The following STX18 variants were observed in gnomAD, a reference collection of about 807,000 sequenced individuals.
STX18 encodes the protein syntaxin 18, also known as syntaxin-18.
Under a neutral mutation model 50.1 loss-of-function variants are expected in STX18, and 40 were observed. The ratio of observed to expected loss-of-function variants is 0.80; its 90% CI spans 0.62 to 1.04. The LOEUF (loss-of-function observed/expected upper bound fraction) is 1.04. Among genes scored for constraint, STX18 ranks in the 50% least tolerant of loss-of-function variants. The pLI, the probability that STX18 is intolerant of heterozygous loss-of-function variation, is 0.00. For missense variants in STX18, 410 were observed against 415.8 expected (o/e 0.99, Z 0.12); for synonymous variants, 158 against 151.8 (o/e 1.04, Z -0.30).
chr4:4,503,293 T>C (rs1729542623), intron 1 of STX18, among the ~76,000 whole-genome samples: 1 of 152,150 alleles, frequency 6.6e-6, no homozygotes, highest in African/African-American at 2.4e-5. Context: ...TCAGATTCTT[T>C]AAAAAAGTAA....
chr4:4,449,294 TCC>T (rs1448600378), intron 5 of STX18, among the ~76,000 whole-genome samples: 5 of 138,776 alleles, frequency 3.6e-5, no homozygotes, highest in African/African-American at 1.5e-4. Flanking sequence ...CAATCCTCCC[TCC>T]CACCTCGGCC....
chr4:4,484,622 T>C (rs1728620834), intron 1 of STX18, among the ~76,000 whole-genome samples: 1 of 152,206 alleles, frequency 6.6e-6, no homozygotes, highest in Non-Finnish European at 1.5e-5. Context: ...CCAGCTCAAC[T>C]AGTCACGAAC....
intron 1 of STX18, among the ~76,000 whole-genome samples, chr4:4,498,446 T>G (rs1157826422): frequency 6.6e-6 from 1 of 152,188 alleles, no homozygotes; most frequent in Admixed American, 6.5e-5. Flanking sequence ...TGGTGGTTTT[T>G]GTTTGTTTTG....
At chr4:4,478,501 G>T (rs567927601) in intron 1 of STX18, among the ~76,000 whole-genome samples, 1 of 152,268 alleles carries the variant, frequency 6.6e-6, no homozygotes, top group South Asian at 2.1e-4. Context: ...TCATTCTCCC[G>T]TTTGAGTTCA....
At chr4:4,486,510 T>A (rs1444864378) in intron 1 of STX18, among the ~76,000 whole-genome samples, 1 of 152,254 alleles carries the variant, frequency 6.6e-6, no homozygotes, top group Non-Finnish European at 1.5e-5. Flanking sequence ...ACTTACTATA[T>A]GCCAAGAAGA....
Position 4,420,246 on chromosome 4 carries a change from G to A in STX18, c.913-117C>T, listed in dbSNP as rs555837844. On this transcript the variant is annotated intron_variant, in intron 10 of 10. Coordinates refer to ENST00000306200, the MANE Select transcript of STX18 (RefSeq NM_016930.4). This position sits in a 1 kb window ranked among gnomAD's most constrained non-coding sequence, Gnocchi z 4.3. ...GATCCTGGCTGTAACTATGGGTGTCGTTCCATCTGTGCTTACCTTGAATAG... is the reference window on the plus strand; with the variant it reads ...GATCCTGGCTGTAACTATGGGTGTCATTCCATCTGTGCTTACCTTGAATAG... 14 of 751,936 alleles carry A rather than the reference G, an allele frequency of 1.9e-5. No homozygotes were observed. Among genetic ancestry groups the A allele is most frequent in the Middle Eastern group, 2.3e-4 (1 of 4,296 alleles). The allele number at this position is 751,936 out of a possible 1,614,324, so 46.6% of individuals were successfully genotyped here.
intron 9 of STX18, 113 bp from the exon 10 acceptor site, chr4:4,421,057 A>C: frequency 9.4e-7 from 1 of 1,065,248 alleles, no homozygotes; most frequent in South Asian, 1.3e-5. Flanking sequence ...AGAAAGTTTC[A>C]GATTTTGGAG....
At chr4:4,457,670 G>A (rs1453065864) in intron 3 of STX18, among the ~76,000 whole-genome samples, 170 bp from the exon 4 acceptor site, 1 of 152,188 alleles carries the variant, frequency 6.6e-6, no homozygotes, top group Admixed American at 6.5e-5. Flanking sequence ...GATGTATCAG[G>A]CTTCGCAAGA....
intron 2 of STX18, among the ~76,000 whole-genome samples, chr4:4,462,899 GTAC>G (rs1727454512): frequency 6.6e-6 from 1 of 152,152 alleles, no homozygotes; most frequent in Non-Finnish European, 1.5e-5. Flanking sequence ...CTTCTTTACT[GTAC>G]TAAGATGAGA....
chr4:4,495,011 C>T (rs943751600), intron 1 of STX18, among the ~76,000 whole-genome samples: 2 of 152,170 alleles, frequency 1.3e-5, no homozygotes, highest in Non-Finnish European at 2.9e-5. Context: ...AATGTACAAT[C>T]AGGGTTGAGA....
intron 5 of STX18, among the ~76,000 whole-genome samples, chr4:4,445,263 G>A (rs1044231065): frequency 4.6e-5 from 7 of 151,926 alleles, no homozygotes; most frequent in Admixed American, 2.0e-4. Context: ...AAAATCAGCC[G>A]GGCATGGTGG....
chr4:4,484,872 T>C (rs562303891), intron 1 of STX18, among the ~76,000 whole-genome samples: 1 of 152,328 alleles, frequency 6.6e-6, no homozygotes, highest in East Asian at 1.9e-4. Flanking sequence ...TTGACAAATA[T>C]GTAAGACCCA....
In STX18 at chr4:4,420,753, G is replaced by C; in HGVS notation, c.912+111C>G. 4.1e-6 allele frequency: 4 copies of C among 984,002 alleles called. No individual in the cohort carries two copies. The highest frequency in any genetic ancestry group is 6.4e-6 in the Non-Finnish European group (4 of 626,802). 61.0% of individuals were successfully genotyped at this position (984,002 alleles called of 1,614,324 possible). A position where few individuals can be genotyped will look rare whatever the true frequency, so the allele number is the denominator to read the frequency against. On this transcript the variant is annotated intron_variant, in intron 10 of 10. Coordinates refer to ENST00000306200, the MANE Select transcript of STX18 (RefSeq NM_016930.4). This position sits in a 1 kb window ranked among gnomAD's most constrained non-coding sequence, Gnocchi z 4.3. Reference sequence around the variant, plus strand: ...GTCACACAATTTTGTGATCAGCCCCGTGAGCTCTGCCCAGCAAGGCTCCTG... The same window carrying C: ...GTCACACAATTTTGTGATCAGCCCCCTGAGCTCTGCCCAGCAAGGCTCCTG...
intron 2 of STX18, among the ~76,000 whole-genome samples, chr4:4,460,113 C>T (rs1214733490): frequency 6.6e-6 from 1 of 152,120 alleles, no homozygotes; most frequent in Admixed American, 6.5e-5. Flanking sequence ...ATACTTACCC[C>T]ACTCTAACAT....
chr4:4,537,093 G>C (rs1009671035), intron 1 of STX18, among the ~76,000 whole-genome samples: 1 of 152,154 alleles, frequency 6.6e-6, no homozygotes, highest in African/African-American at 2.4e-5. Context: ...GGTGCTTACG[G>C]GTTTCTTGCT....
Position 4,445,841 on chromosome 4 carries a change from G to C in STX18, c.498-7332C>G, listed in dbSNP as rs138721105. On this transcript the variant is annotated intron_variant, in intron 5 of 10. Transcript: ENST00000306200. Reference sequence around the variant, plus strand: ...AAACCGAAAAGCTGATTCTAAAATTGATATGGAAATATACAAAAAATCTAA... The same window carrying C: ...AAACCGAAAAGCTGATTCTAAAATTCATATGGAAATATACAAAAAATCTAA... 2.1e-3 allele frequency among the ~76,000 whole-genome samples: 326 copies of C among 152,224 alleles called. 6 individuals carry two copies. The highest frequency in any genetic ancestry group is 0.012 in the East Asian group (60 of 5,188).
chr4:4,433,614 C>A (rs1445871914), intron 7 of STX18, among the ~76,000 whole-genome samples: 1 of 151,220 alleles, frequency 6.6e-6, no homozygotes, highest in African/African-American at 2.4e-5. Flanking sequence ...TCTGCTCTCA[C>A]AGAGCTTGTG....
intron 2 of STX18, among the ~76,000 whole-genome samples, chr4:4,465,582 G>A (rs1727582187): frequency 6.6e-6 from 1 of 152,110 alleles, no homozygotes; most frequent in South Asian, 2.1e-4. Flanking sequence ...GAGGCGGTGG[G>A]GAACAATACA....
chr4:4,467,701 T>G (rs1483928071), intron 2 of STX18, among the ~76,000 whole-genome samples: 1 of 109,126 alleles, frequency 9.2e-6, no homozygotes, highest in East Asian at 3.2e-4. Flanking sequence ...TCAGAGTACC[T>G]AACACAGAAT....
Sources: gnomAD v4.1 joint callset for allele counts (sites outside exome capture counted in the v4.1 genomes callset) on GRCh38, gnomAD v4.1.1 for gene constraint, Gnocchi (gnomAD v3.1) non-coding constraint, MANE v1.5 for transcripts, NCBI Gene and HGNC (gene_info 2026-07-23, HGNC 2026-07-21) for gene names.